SPATA6: variants seen among roughly 807,000 people sequenced by gnomAD.
The protein encoded by SPATA6 is spermatogenesis-associated protein 6.
SPATA6 carries 56 observed loss-of-function variants against 65.3 expected under a neutral mutation model. That is an observed-to-expected ratio of 0.86 (90% CI 0.69 to 1.07). SPATA6 has a LOEUF of 1.07. Ranked by LOEUF, SPATA6 falls within the 50% of genes least tolerant of loss-of-function variation. The pLI is 0.00. For missense variants in SPATA6, 590 were observed against 594.8 expected, an observed-to-expected ratio of 0.99 and a Z score of 0.08; for synonymous variants, 199 against 213.2, an observed-to-expected ratio of 0.93 and a Z score of 0.58.
intron 10 of SPATA6, among the ~76,000 whole-genome samples, chr1:48,357,761 A>G (rs1646699097): frequency 6.6e-6 from 1 of 152,180 alleles, no homozygotes; most frequent in South Asian, 2.1e-4. Flanking sequence ...TGTTCCCAGT[A>G]GTACGTCTTA....
chr1:48,299,516 G>GAAAAAAAAAA (rs58072004), intron 12 of SPATA6, among the ~76,000 whole-genome samples: 5,021 of 38,080 alleles, frequency 0.13, 1,216 homozygotes, highest in East Asian at 0.21. Flanking sequence ...CTCCGTCTCG[G>GAAAAAAAAAA]AAAAAAAAAA....
rs190390756 is a variant in SPATA6, at chr1:48,392,579, A to C, written c.868+2688T>G. 1.2e-3 allele frequency among the ~76,000 whole-genome samples: 186 copies of C among 152,254 alleles called. 1 individual carries two copies. Among genetic ancestry groups the C allele is most frequent in the Admixed American group, 1.6e-3 (25 of 15,278 alleles). ...TAGAAAAGAAGGAGCTAGAAGCTAG[A>C]AGACCTGGATTCTAGATTTGTAACT... On this transcript the variant is annotated intron_variant, in intron 8 of 12. Transcript: ENST00000371847.
At chr1:48,382,506 G>A (rs1186090044) in intron 9 of SPATA6, among the ~76,000 whole-genome samples, 2 of 103,592 alleles carry the variant, frequency 1.9e-5, no homozygotes, top group South Asian at 8.4e-4. Flanking sequence ...TGGCCGGGCA[G>A]AGGGGTCCTC....
At chr1:48,440,883 C>A (rs932698479) in intron 3 of SPATA6, among the ~76,000 whole-genome samples, 1 of 152,032 alleles carries the variant, frequency 6.6e-6, no homozygotes, top group Non-Finnish European at 1.5e-5. Flanking sequence ...TAATAGGGAC[C>A]AAGAGAACAG....
At chr1:48,274,372 T>C in the SPATA6 span, among the ~76,000 whole-genome samples, 2 of 152,220 alleles carry the variant, frequency 1.3e-5, no homozygotes, top group Non-Finnish European at 2.9e-5. Context: ...ATTTTGGTTT[T>C]TGTTGCCATT....
chr1:48,366,757 C>T (rs1647030223), intron 9 of SPATA6, among the ~76,000 whole-genome samples: 1 of 152,084 alleles, frequency 6.6e-6, no homozygotes, highest in Middle Eastern at 3.2e-3. Flanking sequence ...CTCCTGGATT[C>T]ATTGATTTTT....
intron 3 of SPATA6, among the ~76,000 whole-genome samples, chr1:48,417,265 C>T (rs1241403196): frequency 2.0e-5 from 3 of 151,992 alleles, no homozygotes; most frequent in Admixed American, 6.6e-5. Flanking sequence ...AGATAATATG[C>T]CAAAGTCAAA....
At chr1:48,442,537 C>G (rs1056214952) in intron 3 of SPATA6, among the ~76,000 whole-genome samples, 2 of 150,260 alleles carry the variant, frequency 1.3e-5, no homozygotes, top group Middle Eastern at 6.8e-3. Flanking sequence ...GAGAAAGGGA[C>G]AGAAAGTCAG....
At chr1:48,305,729 A>G (rs1209612422) in intron 12 of SPATA6, 58 bp downstream of exon 12, 25 of 1,316,726 alleles carry the variant, frequency 1.9e-5, no homozygotes, top group Non-Finnish European at 2.5e-5. Flanking sequence ...TCAGCATATT[A>G]TAAAACAGTT....
At chr1:48,356,801 T>G (rs1646674371) in intron 10 of SPATA6, among the ~76,000 whole-genome samples, 1 of 152,072 alleles carries the variant, frequency 6.6e-6, no homozygotes, top group Non-Finnish European at 1.5e-5. Flanking sequence ...AGTTTGTTCT[T>G]AAAAGCTACA....
At chr1:48,381,544 C>T (rs993950614) in intron 9 of SPATA6, among the ~76,000 whole-genome samples, 20 of 151,088 alleles carry the variant, frequency 1.3e-4, no homozygotes, top group Non-Finnish European at 2.8e-4. Flanking sequence ...GTATTCAGTA[C>T]CAGTAGCACA....
rs1253929304 is a variant in SPATA6, at chr1:48,384,326, G to GAGGGACAGGGACAGGGAC, written c.909+965_909+982dup. On this transcript the variant is annotated intron_variant, in intron 9 of 12. Coordinates refer to ENST00000371847, the MANE Select transcript of SPATA6 (RefSeq NM_019073.4). ...GGCTCGGCATCAGAGGGAGACCGTG[G>GAGGGACAGGGACAGGGAC]AGGGACAGGGACAGGGACAGGGACA... is the stretch of plus-strand genomic sequence containing the variant. Among the ~76,000 whole-genome samples the GAGGGACAGGGACAGGGAC allele has an allele frequency of 1.4e-3, 122 of 90,132 alleles. 14 individuals are homozygous for GAGGGACAGGGACAGGGAC. Among genetic ancestry groups the GAGGGACAGGGACAGGGAC allele is most frequent in the African/African-American group, 6.0e-3 (85 of 14,248 alleles). The allele number at this position is 90,132 out of a possible 152,430, so 59.1% of individuals were successfully genotyped here.
At chr1:48,364,577 T>A (rs1466958097) in intron 9 of SPATA6, among the ~76,000 whole-genome samples, 5 of 152,168 alleles carry the variant, frequency 3.3e-5, no homozygotes, top group Non-Finnish European at 5.9e-5. Flanking sequence ...TTTTCATGTG[T>A]TTTTTGGCTG....
the SPATA6 span, among the ~76,000 whole-genome samples, chr1:48,267,762 T>TTTG: frequency 1.8e-4 from 24 of 132,528 alleles, 1 homozygote; most frequent in East Asian, 3.2e-3. Context: ...GTTTTTTTTT[T>TTTG]TTTTTTTTTT....
Position 48,364,025 on chromosome 1 carries a change from C to A in SPATA6, c.910-4255G>T, listed in dbSNP as rs1178464467. Among the ~76,000 whole-genome samples the A allele has an allele frequency of 2.0e-5, 3 of 151,614 alleles. No homozygotes were observed. The East Asian group carries it at 5.9e-4, about 30-fold the overall frequency. ...GTCCATGTGCTCTCCTTGTTCAATTCCCACCTATGAATGAGAACATGTGGT... is the reference window on the plus strand; with the variant it reads ...GTCCATGTGCTCTCCTTGTTCAATTACCACCTATGAATGAGAACATGTGGT... On this transcript the variant is annotated intron_variant, in intron 9 of 12. Coordinates refer to ENST00000371847, the MANE Select transcript of SPATA6 (RefSeq NM_019073.4).
intron 11 of SPATA6, among the ~76,000 whole-genome samples, chr1:48,331,610 G>GA (rs1570158035): frequency 6.6e-6 from 1 of 152,164 alleles, no homozygotes; most frequent in African/African-American, 2.4e-5. Flanking sequence ...TGGCATCCCT[G>GA]AAAGACATGA....
intron 9 of SPATA6, among the ~76,000 whole-genome samples, chr1:48,367,659 C>A (rs374936740): frequency 6.6e-6 from 1 of 152,222 alleles, no homozygotes; most frequent in South Asian, 2.1e-4. Context: ...GTAGATCTTC[C>A]TCCATCCCTT....
chr1:48,471,964 G>C lies in SPATA6; in HGVS notation c.45C>G (p.Ile15Met), dbSNP rs767088818. 6.2e-7 allele frequency: 1 copy of C among 1,605,612 alleles called. No individual in the cohort carries two copies. Residue 15 changes from isoleucine (I) to methionine (M), a missense_variant, in exon 1 of 13, where the codon ATC becomes ATG. Transcript: ENST00000371847. ...KALQCALALEISSVTCPGVVL... is the reference protein window; with the variant it reads ...KALQCALALEMSSVTCPGVVL... The stretch of plus-strand genomic sequence containing the variant: ...AGGCGCTACCGGTACTCACTGAGCT[G>C]ATCTCCAGCGCCAGGGCGCACTGCA...
At chr1:48,310,798 A>G (rs1645186092) in intron 11 of SPATA6, among the ~76,000 whole-genome samples, 1 of 152,216 alleles carries the variant, frequency 6.6e-6, no homozygotes, top group Non-Finnish European at 1.5e-5. Context: ...TTTCAAGTGC[A>G]TATGAAAAAT....
Sources: allele counts gnomAD v4.1 joint callset (sites outside exome capture counted in the v4.1 genomes callset), GRCh38; gene constraint gnomAD v4.1.1; transcripts MANE v1.5; gene names NCBI Gene and HGNC (gene_info 2026-07-23, HGNC 2026-07-21).